Variants in IL20RA observed in about 807,000 individuals in gnomAD.
IL20RA encodes interleukin-20 receptor subunit alpha.
In IL20RA, 29 loss-of-function variants were observed where a neutral mutation model predicts 36.5. The ratio of observed to expected loss-of-function variants is 0.79; its 90% CI spans 0.59 to 1.08. The LOEUF (loss-of-function observed/expected upper bound fraction) is 1.08, where lower values mean the gene tolerates loss of function less well. Ranked by LOEUF, IL20RA falls within the 50% of genes least tolerant of loss-of-function variation. The probability of loss-of-function intolerance (pLI) is 0.00; values close to 1 mark genes in which losing one functional copy is unlikely to be tolerated. For synonymous variants in IL20RA, 279 were observed against 267.1 expected, an observed-to-expected ratio of 1.04 and a Z score of -0.43; for missense variants, 652 against 668.4, an observed-to-expected ratio of 0.98 and a Z score of 0.27.
intron 1 of IL20RA, among the ~76,000 whole-genome samples, chr6:137,021,376 ATGT>A (rs1775897403): frequency 6.6e-6 from 1 of 152,058 alleles, no homozygotes; most frequent in South Asian, 2.1e-4. Context: ...ATTAAAAATA[ATGT>A]TGTGGCCAGG....
chr6:137,006,513 C>T (rs1322826339), intron 5 of IL20RA, among the ~76,000 whole-genome samples: 5 of 152,172 alleles, frequency 3.3e-5, no homozygotes, highest in South Asian at 2.1e-4. Context: ...TTTATTACAA[C>T]AAACCTAATA....
chr6:137,029,400 G>C (rs1582835270), intron 1 of IL20RA, among the ~76,000 whole-genome samples: 1 of 152,156 alleles, frequency 6.6e-6, no homozygotes. Flanking sequence ...TCAGCTACTC[G>C]AGAGGCTGAG....
intron 1 of IL20RA, among the ~76,000 whole-genome samples, chr6:137,024,443 T>C (rs276486): frequency 0.82 from 124,104 of 152,240 alleles, 56,267 homozygotes; most frequent in East Asian, 1. Flanking sequence ...TCTGGAAGCA[T>C]GGCTCTGATT....
chr6:137,014,718 C>T (rs1775619803), intron 2 of IL20RA, among the ~76,000 whole-genome samples: 1 of 151,942 alleles, frequency 6.6e-6, no homozygotes, highest in Admixed American at 6.6e-5. Flanking sequence ...CCTTTTCCAC[C>T]TTATATTATT....
chr6:137,020,444 A>C (rs1365941912), intron 1 of IL20RA, among the ~76,000 whole-genome samples: 1 of 152,068 alleles, frequency 6.6e-6, no homozygotes, highest in Non-Finnish European at 1.5e-5. Context: ...AATGAATACA[A>C]CAATGATTCT....
intron 1 of IL20RA, chr6:137,044,196 C>CG: frequency 1.0e-6 from 1 of 986,890 alleles, no homozygotes; most frequent in South Asian, 4.7e-5. Flanking sequence ...TGCAGGACTG[C>CG]GGGGCCCGGC....
At chr6:137,031,153 T>A (rs1317034495) in intron 1 of IL20RA, among the ~76,000 whole-genome samples, 3 of 152,156 alleles carry the variant, frequency 2.0e-5, no homozygotes, top group African/African-American at 4.8e-5. Context: ...GCAGTGGACA[T>A]CAAAAGACTT....
intron 2 of IL20RA, 112 bp downstream of exon 2, chr6:137,016,856 C>A: frequency 2.0e-6 from 2 of 998,532 alleles, no homozygotes; most frequent in East Asian, 2.6e-5. Context: ...ATATCTAAAA[C>A]TTTTCTCTTT....
At position 137,004,619 on chromosome 6, in the gene IL20RA, A is replaced by G; in HGVS notation, c.864+2T>C. ...AAGAACCCTGCCACACCAAGTACTC[A>G]CCAAATTTGCTGGGTGTTTCTCTTT... On this transcript the variant is annotated splice_donor_variant, in intron 6 of 6. Transcript: ENST00000316649. LOFTEE classifies it high-confidence loss of function. 6.2e-7 allele frequency: 1 copy of G among 1,613,642 alleles called. No individual in the cohort carries two copies. Among genetic ancestry groups the G allele is most frequent in the Non-Finnish European group, 8.5e-7 (1 of 1,179,738 alleles).
intron 6 of IL20RA, among the ~76,000 whole-genome samples, chr6:137,003,622 A>G (rs2115361842): frequency 6.6e-6 from 1 of 152,280 alleles, no homozygotes; most frequent in South Asian, 2.1e-4. Flanking sequence ...TGGAACTAAT[A>G]TCTGGTTGGA....
intron 1 of IL20RA, among the ~76,000 whole-genome samples, chr6:137,027,674 C>CG: frequency 6.6e-6 from 1 of 152,314 alleles, no homozygotes; most frequent in Middle Eastern, 3.4e-3. Flanking sequence ...GAACAGTGCC[C>CG]GGCACAAAGA....
chr6:137,010,853 A>C (rs1335192972), intron 3 of IL20RA, among the ~76,000 whole-genome samples: 1 of 152,182 alleles, frequency 6.6e-6, no homozygotes, highest in Non-Finnish European at 1.5e-5. Flanking sequence ...GTAGTAAGAC[A>C]AAGTCAAAAT....
intron 2 of IL20RA, among the ~76,000 whole-genome samples, chr6:137,015,103 T>G (rs999951322): frequency 1.3e-5 from 2 of 152,232 alleles, no homozygotes; most frequent in African/African-American, 4.8e-5. Flanking sequence ...AAAATGGCCA[T>G]GAATCATTTA....
chr6:137,012,590 G>A (rs1173990900), intron 2 of IL20RA, among the ~76,000 whole-genome samples: 1 of 152,134 alleles, frequency 6.6e-6, no homozygotes, highest in Non-Finnish European at 1.5e-5. Context: ...GGATTTTGGA[G>A]TCAATGTCAT....
intron 1 of IL20RA, among the ~76,000 whole-genome samples, chr6:137,031,185 G>A (rs1328500711): frequency 6.6e-6 from 1 of 152,160 alleles, no homozygotes; most frequent in African/African-American, 2.4e-5. Flanking sequence ...TTTCCTCCAA[G>A]CACATCCAAT....
rs1223688234 is a variant in IL20RA, at chr6:137,009,364, T to C, written c.532A>G (p.Asn178Asp). The C allele has an allele frequency of 6.2e-7, 1 of 1,613,664 alleles. No individual in the cohort carries two copies. Among genetic ancestry groups the C allele is most frequent in the Admixed American group, 1.7e-5 (1 of 59,998 alleles). Reference sequence around the variant, plus strand: ...AACACAGACACGTTATACTTCAGATTGGAGTATATTTGTTGCATGGAAACA... The same window carrying C: ...AACACAGACACGTTATACTTCAGATCGGAGTATATTTGTTGCATGGAAACA... ...LPVSMQQIYSNLKYNVSVLNT... is the reference protein window; with the variant it reads ...LPVSMQQIYSDLKYNVSVLNT... The change falls in exon 4 of 7, where the codon AAT becomes GAT. Residue 178 changes from asparagine to aspartate, a missense_variant. Physicochemically the swap from Asn to Asp is conservative, Grantham distance 23 (BLOSUM62 1). Coordinates refer to ENST00000316649, the MANE Select transcript of IL20RA (RefSeq NM_014432.4).
At chr6:137,044,620 C>G in intron 1 of IL20RA, 21 bp downstream of exon 1, 1 of 1,220,758 alleles carries the variant, frequency 8.2e-7, no homozygotes, top group Non-Finnish European at 1.0e-6. Context: ...CGACCCGCAC[C>G]TGGCGGCGCG....
intron 5 of IL20RA, among the ~76,000 whole-genome samples, chr6:137,005,148 C>T (rs1235255300): frequency 6.6e-6 from 1 of 152,214 alleles, no homozygotes; most frequent in Non-Finnish European, 1.5e-5. Flanking sequence ...CAACAAAACC[C>T]TCCAGTGAAG....
Position 137,001,723 on chromosome 6 carries a change from C to G in IL20RA, c.1497G>C (p.Gln499His). The G allele has an allele frequency of 6.2e-7, 1 of 1,613,924 alleles. No homozygotes were observed. Among genetic ancestry groups the G allele is most frequent in the Non-Finnish European group, 8.5e-7 (1 of 1,179,864 alleles). Residue 499 changes from glutamine (Q) to histidine (H), a missense_variant, in exon 7 of 7, where the codon CAG becomes CAC. Transcript: ENST00000316649. ...LCIPSLSSFD[Q>H]DSEGCEPSEG... ...CAGAAGGCTCGCAGCCCTCTGAATC[C>G]TGGTCGAAGCTGGACAGCGAAGGAA...
Sources: allele counts gnomAD v4.1 joint callset (sites outside exome capture counted in the v4.1 genomes callset), GRCh38; gene constraint gnomAD v4.1.1; transcripts MANE v1.5; gene names NCBI Gene and HGNC (gene_info 2026-07-23, HGNC 2026-07-21).